MYRIP: variants seen among roughly 807,000 people sequenced by gnomAD.
MYRIP encodes the protein rab effector MyRIP.
Under a neutral mutation model 98.0 loss-of-function variants are expected in MYRIP, and 49 were observed. The observed-to-expected ratio is 0.50, with a 90% CI of 0.40 to 0.63. The LOEUF (loss-of-function observed/expected upper bound fraction) is 0.63, where lower values mean the gene tolerates loss of function less well. Among genes scored for constraint, MYRIP ranks in the 30% least tolerant of loss-of-function variants. MYRIP has a pLI of 0.00. For synonymous variants in MYRIP, 404 were observed against 409.5 expected (o/e 0.99, Z 0.16); for missense variants, 1,004 against 1,058.2 (o/e 0.95, Z 0.71).
At chr3:40,222,525 G>A (rs1952365628) in intron 11 of MYRIP, among the ~76,000 whole-genome samples, 1 of 152,050 alleles carries the variant, frequency 6.6e-6, no homozygotes, top group Admixed American at 6.5e-5. Flanking sequence ...AGGAGATTTT[G>A]TTTTATGTTC....
At chr3:40,084,573 ATC>A (rs1248486222) in intron 3 of MYRIP, among the ~76,000 whole-genome samples, 46 of 126,426 alleles carry the variant, frequency 3.6e-4, no homozygotes, top group South Asian at 8.1e-4. Flanking sequence ...TCTATGTATT[ATC>A]TATCGATAGA....
chr3:40,048,520 T>A (rs1328635876), intron 3 of MYRIP, among the ~76,000 whole-genome samples: 1 of 152,120 alleles, frequency 6.6e-6, no homozygotes, highest in Non-Finnish European at 1.5e-5. Flanking sequence ...TGTACAGCTG[T>A]AAATGAGAGA....
chr3:39,866,799 T>C (rs1365591987), intron 1 of MYRIP, among the ~76,000 whole-genome samples: 2 of 152,176 alleles, frequency 1.3e-5, no homozygotes, highest in African/African-American at 4.8e-5. Flanking sequence ...AAAATTCTAA[T>C]GGCATTTTTA....
chr3:40,186,333 T>A (rs1187287480), intron 9 of MYRIP, among the ~76,000 whole-genome samples: 1 of 152,144 alleles, frequency 6.6e-6, no homozygotes. Context: ...CAGAACCTAA[T>A]ATGAGGATCT....
At chr3:40,231,114 C>T (rs974191103) in intron 11 of MYRIP, among the ~76,000 whole-genome samples, 3 of 152,174 alleles carry the variant, frequency 2.0e-5, no homozygotes, top group Admixed American at 6.5e-5. Flanking sequence ...CATGAGCCAC[C>T]ACGCCCAGCC....
intron 2 of MYRIP, among the ~76,000 whole-genome samples, chr3:40,009,773 G>C (rs1449158615): frequency 6.6e-6 from 1 of 152,148 alleles, no homozygotes; most frequent in Admixed American, 6.5e-5. Flanking sequence ...TGATAAAACA[G>C]TGATTTTATC....
intron 1 of MYRIP, among the ~76,000 whole-genome samples, chr3:39,886,090 G>A (rs1246361125): frequency 6.6e-6 from 1 of 151,956 alleles, no homozygotes; most frequent in African/African-American, 2.4e-5. Context: ...GCCAAACTAA[G>A]CTTCATAAGT....
intron 1 of MYRIP, among the ~76,000 whole-genome samples, chr3:39,851,572 C>A (rs1004251481): frequency 1.3e-5 from 2 of 152,176 alleles, no homozygotes; most frequent in Non-Finnish European, 2.9e-5. Context: ...AGCTGTTCTT[C>A]CACCTTCACC....
chr3:40,083,614 A>C (rs1948528473), intron 3 of MYRIP, among the ~76,000 whole-genome samples: 1 of 152,214 alleles, frequency 6.6e-6, no homozygotes, highest in Non-Finnish European at 1.5e-5. Context: ...GATCTATGCC[A>C]AGACAAATAA....
chr3:39,943,744 T>C (rs529906229), intron 2 of MYRIP, among the ~76,000 whole-genome samples: 41 of 152,270 alleles, frequency 2.7e-4, no homozygotes, highest in African/African-American at 9.4e-4. Context: ...TTAAATCAAT[T>C]CTCGTTAGAT....
intron 3 of MYRIP, among the ~76,000 whole-genome samples, chr3:40,093,542 T>C (rs1948766933): frequency 6.6e-6 from 1 of 152,230 alleles, no homozygotes; most frequent in Non-Finnish European, 1.5e-5. Flanking sequence ...AGGGTCATTC[T>C]AAGGGTATGC....
intron 3 of MYRIP, among the ~76,000 whole-genome samples, chr3:40,096,067 C>T (rs1948827494): frequency 6.6e-6 from 1 of 151,698 alleles, no homozygotes; most frequent in East Asian, 1.9e-4. Context: ...GCACCCACAC[C>T]CCCAACCCTG....
chr3:40,156,628 T>C (rs1950248140), intron 4 of MYRIP, among the ~76,000 whole-genome samples: 1 of 151,668 alleles, frequency 6.6e-6, no homozygotes, highest in African/African-American at 2.4e-5. Context: ...CCCATGAGCA[T>C]GGAATGTTCT....
chr3:40,017,085 A>G (rs1351146716), intron 2 of MYRIP, among the ~76,000 whole-genome samples: 1 of 152,252 alleles, frequency 6.6e-6, no homozygotes, highest in Admixed American at 6.5e-5. Flanking sequence ...TTTACTATTT[A>G]AAGCCACTTA....
At chr3:39,910,635 T>G (rs1277215088) in intron 2 of MYRIP, among the ~76,000 whole-genome samples, 1 of 152,372 alleles carries the variant, frequency 6.6e-6, no homozygotes, top group Non-Finnish European at 1.5e-5. Flanking sequence ...AGCTCAATAA[T>G]TTTTATATTG....
At chr3:39,969,247 C>A (rs747581759) in intron 2 of MYRIP, among the ~76,000 whole-genome samples, 4 of 152,056 alleles carry the variant, frequency 2.6e-5, no homozygotes, top group Non-Finnish European at 5.9e-5. Context: ...ATTTTCTAGA[C>A]ATAGAATCAT....
intron 9 of MYRIP, among the ~76,000 whole-genome samples, chr3:40,188,959 T>G (rs1046966118): frequency 2.2e-4 from 34 of 152,198 alleles, no homozygotes; most frequent in Non-Finnish European, 3.7e-4. Flanking sequence ...ACCCCCAGCA[T>G]GCAGATCAAT....
intron 1 of MYRIP, among the ~76,000 whole-genome samples, chr3:39,843,141 C>A (rs1014349969): frequency 2.6e-5 from 4 of 152,152 alleles, no homozygotes; most frequent in African/African-American, 9.7e-5. Flanking sequence ...TTACCTAAAG[C>A]AGTTTCACAC....
At chr3:39,828,366 G>A (rs938823677) in intron 1 of MYRIP, among the ~76,000 whole-genome samples, 4 of 151,834 alleles carry the variant, frequency 2.6e-5, no homozygotes, top group African/African-American at 9.7e-5. Flanking sequence ...TTTGTCCTGT[G>A]TTGTCTGTTG....
Sources: allele counts gnomAD v4.1 joint callset (sites outside exome capture counted in the v4.1 genomes callset), GRCh38; gene constraint gnomAD v4.1.1; transcripts MANE v1.5; gene names NCBI Gene and HGNC (gene_info 2026-07-23, HGNC 2026-07-21).